The following EIF2B2 variants were observed in gnomAD, a reference collection of about 807,000 sequenced individuals.
EIF2B2 encodes translation initiation factor eIF2B subunit beta.
A neutral mutation model predicts 34.7 loss-of-function variants in EIF2B2; 34 were observed. That is an observed-to-expected ratio of 0.98 (90% CI 0.75 to 1.31). The LOEUF is 1.31. EIF2B2 is among the 50% of genes most tolerant of loss of function. The pLI is 0.00. For synonymous variants in EIF2B2, 155 were observed against 171.6 expected, an observed-to-expected ratio of 0.90 and a Z score of 0.76; for missense variants, 361 against 447.7, an observed-to-expected ratio of 0.81 and a Z score of 1.75.
rs1889633844 is a variant in EIF2B2, at chr14:75,006,881, C to G, written c.831+167C>G. 1 of 1,009,854 alleles carries G rather than the reference C, an allele frequency of 9.9e-7. No homozygotes were observed. The allele number at this position is 1,009,854 out of a possible 1,614,324, so 62.6% of individuals were successfully genotyped here. A position where few individuals can be genotyped will look rare whatever the true frequency, so the allele number is the denominator to read the frequency against. Reference sequence around the variant, plus strand: ...GGAAAGAACCACAGAAGTCTTGATTCAGTAAAACAGTTGAGAGTTCTCAGC... The same window carrying G: ...GGAAAGAACCACAGAAGTCTTGATTGAGTAAAACAGTTGAGAGTTCTCAGC... On this transcript the variant is annotated intron_variant, in intron 6 of 7. Transcript: ENST00000266126. This position sits in a 1 kb window ranked among gnomAD's most constrained non-coding sequence, Gnocchi z 4.1.
intron 1 of EIF2B2, 35 bp from the exon 2 acceptor site, chr14:75,003,240 T>C: frequency 6.2e-7 from 1 of 1,613,460 alleles, no homozygotes; most frequent in Non-Finnish European, 8.5e-7. Flanking sequence ...TCACTTCGCG[T>C]TGGCTCCTCT....
rs891724352 is a variant in EIF2B2 at position 75,011,289 on chromosome 14, G to A, written c.*2101G>A. 3 of 152,172 alleles carry A rather than the reference G, an allele frequency of 2.0e-5. No homozygotes were observed. Among genetic ancestry groups the A allele is most frequent in the Non-Finnish European group, 4.4e-5 (3 of 68,042 alleles). The allele number at this position is 152,172 out of a possible 1,614,324, so 9.4% of individuals were successfully genotyped here. A position where few individuals can be genotyped will look rare whatever the true frequency, so the allele number is the denominator to read the frequency against. On this transcript the variant is annotated 3_prime_UTR_variant, in exon 8 of 8. Coordinates refer to ENST00000266126, the MANE Select transcript of EIF2B2 (RefSeq NM_014239.4). Reference sequence around the variant, plus strand: ...AAGCAGAGGGACATCCTCTAATTTTGTTGACATGTTTATGCTTACATATTG... The same window carrying A: ...AAGCAGAGGGACATCCTCTAATTTTATTGACATGTTTATGCTTACATATTG...
rs1889574450 is a variant in EIF2B2, at chr14:75,003,551, A to C, written c.285A>C (p.Arg95Ser). 1 of 1,613,786 alleles carries C rather than the reference A, an allele frequency of 6.2e-7. No homozygotes were observed. The highest frequency in any genetic ancestry group is 1.7e-5 in the Admixed American group (1 of 59,980). ...VLKIIREEYG[R>S]LHGRSDESDQ... ...TCTTTGGGTCTTGTTGCCTCTATAG[A>C]CTCCATGGACGCAGCGACGAGAGTG... Residue 95 changes from arginine (R) to serine (S), a missense_variant and splice_region_variant, in exon 3 of 8, where the codon AGA becomes AGC. By Grantham distance (110) the Arg-to-Ser change is moderately radical. Transcript: ENST00000266126.
At chr14:75,007,963 G>A (rs1332588402) in intron 7 of EIF2B2, among the ~76,000 whole-genome samples, 175 bp downstream of exon 7, 1 of 152,196 alleles carries the variant, frequency 6.6e-6, no homozygotes, top group African/African-American at 2.4e-5. Flanking sequence ...AAGTGCTTGA[G>A]GACCTGACCA....
chr14:75,010,196 A>G lies in EIF2B2; in HGVS notation c.*1008A>G, dbSNP rs1302145106. ...TCTCAGTCCTACTGCATCTGATCTC[A>G]GGGTTACTACCTGGGAATCTGTTTA... is the stretch of plus-strand genomic sequence containing the variant. On this transcript the variant is annotated 3_prime_UTR_variant, in exon 8 of 8. Transcript: ENST00000266126. The G allele has an allele frequency of 6.6e-6, 1 of 152,168 alleles. No homozygotes were observed. Among genetic ancestry groups the G allele is most frequent in the Non-Finnish European group, 1.5e-5 (1 of 68,032 alleles). The allele number at this position is 152,168 out of a possible 1,614,324, so 9.4% of individuals were successfully genotyped here. A position where few individuals can be genotyped will look rare whatever the true frequency, so the allele number is the denominator to read the frequency against.
intron 6 of EIF2B2, chr14:75,007,038 A>G (rs907780533): frequency 2.0e-6 from 1 of 507,284 alleles, no homozygotes; most frequent in East Asian, 5.5e-5. Context: ...AGGATCATAG[A>G]ATCAGTTTTG....
chr14:75,003,003 G>T lies in EIF2B2; in HGVS notation c.13G>T (p.Ala5Ser), dbSNP rs1225416670. MPGSAAKGSELSERI... is the reference protein window; with the variant it reads MPGSSAKGSELSERI... ...AGCTACCTTAAAGATGCCGGGATCC[G>T]CAGCGAAGGGCTCGGAGTTGTCAGA... Residue 5 changes from alanine to serine, a missense_variant, in exon 1 of 8, where the codon GCA (alanine) becomes TCA (serine). Coordinates refer to ENST00000266126, the MANE Select transcript of EIF2B2 (RefSeq NM_014239.4). 6.2e-7 allele frequency: 1 copy of T among 1,614,144 alleles called. No individual in the cohort carries two copies. The highest frequency in any genetic ancestry group is 2.2e-5 in the East Asian group (1 of 44,876).
At chr14:75,003,191 T>C in intron 1 of EIF2B2, 38 bp downstream of exon 1, 3 of 1,613,340 alleles carry the variant, frequency 1.9e-6, no homozygotes, top group East Asian at 2.2e-5. Context: ...ACCTGGCCCC[T>C]GTCTGTTCCC....
rs1889563208 is a variant in EIF2B2, at chr14:75,003,097, G to A, written c.107G>A (p.Arg36Gln). Residue 36 changes from arginine to glutamine, a missense_variant, in exon 1 of 8, where the codon CGG (arginine) becomes CAG (glutamine). Physicochemically the swap from Arg to Gln is conservative, Grantham distance 43. Transcript: ENST00000266126. ...GGPRSSEEMARETLGLLRQII... is the reference protein window; with the variant it reads ...GGPRSSEEMAQETLGLLRQII... The stretch of plus-strand genomic sequence containing the variant: ...CCGCGCAGCTCCGAGGAAATGGCTC[G>A]GGAGACCCTAGGGTTGCTGCGCCAG... 6.2e-7 allele frequency: 1 copy of A among 1,613,860 alleles called. No homozygotes were observed. The highest frequency in any genetic ancestry group is 1.3e-5 in the African/African-American group (1 of 75,024).
chr14:75,007,555 T>C, intron 6 of EIF2B2, 167 bp from the exon 7 acceptor site: 1 of 585,514 alleles, frequency 1.7e-6, no homozygotes, highest in Non-Finnish European at 3.0e-6. Flanking sequence ...TCCATTCATC[T>C]GTTTATGGGC....
Position 75,009,205 on chromosome 14 carries a change from T to C in EIF2B2, c.*17T>C. ...GTTTTATGACCGACCACACGTGTCC[T>C]AAGCAGATTGCTTAGGCAGATACAG... On this transcript the variant is annotated 3_prime_UTR_variant, in exon 8 of 8. Transcript: ENST00000266126. 6.2e-7 allele frequency: 1 copy of C among 1,613,948 alleles called. No homozygotes were observed. The highest frequency in any genetic ancestry group is 1.3e-5 in the African/African-American group (1 of 75,036).
Position 75,009,549 on chromosome 14 carries a change from A to G in EIF2B2, c.*361A>G. On this transcript the variant is annotated 3_prime_UTR_variant, in exon 8 of 8. Transcript: ENST00000266126. ...ATTTTTGCTCAGAAATGGCTATGAC[A>G]CTTTTTCTAGGCTCTACCAATAAAA... 1 of 311,418 alleles carries G rather than the reference A, an allele frequency of 3.2e-6. No individual in the cohort carries two copies. Among genetic ancestry groups the G allele is most frequent in the South Asian group, 3.1e-5 (1 of 32,532 alleles). 19.3% of individuals were successfully genotyped at this position (311,418 alleles called of 1,614,324 possible).
At chr14:75,005,733 A>G in intron 4 of EIF2B2, 133 bp from the exon 5 acceptor site, 1 of 755,184 alleles carries the variant, frequency 1.3e-6, no homozygotes, top group African/African-American at 1.7e-5. Context: ...TGTCCGAAAA[A>G]TGAGTTATCT....
chr14:75,009,423 T>G lies in EIF2B2; in HGVS notation c.*235T>G. 1.9e-6 allele frequency: 1 copy of G among 535,570 alleles called. No individual in the cohort carries two copies. Among genetic ancestry groups the G allele is most frequent in the East Asian group, 3.4e-5 (1 of 29,346 alleles). 33.2% of individuals were successfully genotyped at this position (535,570 alleles called of 1,614,324 possible). On this transcript the variant is annotated 3_prime_UTR_variant, in exon 8 of 8. Transcript: ENST00000266126. ...AGCAGCAGGGCTTAACTTGTTGATT[T>G]TGGAGCCTCTTAGTGACCTGGTTGC... is the stretch of plus-strand genomic sequence containing the variant.
At chr14:75,005,279 A>G (rs1333597099) in intron 4 of EIF2B2, among the ~76,000 whole-genome samples, 1 of 151,964 alleles carries the variant, frequency 6.6e-6, no homozygotes, top group Non-Finnish European at 1.5e-5. Flanking sequence ...CTGGAGGGTG[A>G]GGCAGGAGAA....
chr14:75,002,957 C>T lies in EIF2B2; in HGVS notation c.-34C>T, dbSNP rs752293505. 7 of 1,613,298 alleles carry T rather than the reference C, an allele frequency of 4.3e-6. No homozygotes were observed. The highest frequency in any genetic ancestry group is 3.3e-5 in the South Asian group (3 of 91,010). On this transcript the variant is annotated 5_prime_UTR_variant, in exon 1 of 8. Coordinates refer to ENST00000266126, the MANE Select transcript of EIF2B2 (RefSeq NM_014239.4). Reference sequence around the variant, plus strand: ...CTGTGTGGTCTGGCAGGTGTGGATTCCGCCGGTGAAGGCTGAAGGCAGCTA... The same window carrying T: ...CTGTGTGGTCTGGCAGGTGTGGATTTCGCCGGTGAAGGCTGAAGGCAGCTA...
Position 75,006,447 on chromosome 14 carries a change from CT to C in EIF2B2, c.694-128del. 7.5e-7 allele frequency: 1 copy of C among 1,329,542 alleles called. No homozygotes were observed. Among genetic ancestry groups the C allele is most frequent in the Non-Finnish European group, 1.0e-6 (1 of 953,424 alleles). 82.4% of individuals were successfully genotyped at this position (1,329,542 alleles called of 1,614,324 possible). Reference sequence around the variant, plus strand: ...AGAACTTGTATTGAGCCAGGGATCCCTTCACCTCTACCAGTCTGTGACCCCT... The same window carrying C: ...AGAACTTGTATTGAGCCAGGGATCCCTCACCTCTACCAGTCTGTGACCCCT... On this transcript the variant is annotated intron_variant, in intron 5 of 7. Transcript: ENST00000266126. This position sits in a 1 kb window ranked among gnomAD's most constrained non-coding sequence, Gnocchi z 4.1.
At position 75,002,984 on chromosome 14, in the gene EIF2B2, C is replaced by T; in HGVS notation, c.-7C>T. The T allele has an allele frequency of 6.2e-7, 1 of 1,614,034 alleles. No individual in the cohort carries two copies. The highest frequency in any genetic ancestry group is 8.5e-7 in the Non-Finnish European group (1 of 1,180,024). On this transcript the variant is annotated 5_prime_UTR_variant, in exon 1 of 8. Transcript: ENST00000266126. ...GCCGGTGAAGGCTGAAGGCAGCTAC[C>T]TTAAAGATGCCGGGATCCGCAGCGA... is the stretch of plus-strand genomic sequence containing the variant.
chr14:75,003,987 T>C (rs986472613), intron 3 of EIF2B2, among the ~76,000 whole-genome samples: 1 of 152,200 alleles, frequency 6.6e-6, no homozygotes, highest in African/African-American at 2.4e-5. Flanking sequence ...ATGAACTCCC[T>C]AGAGAGCCAA....
Sources: allele counts gnomAD v4.1 joint callset (sites outside exome capture counted in the v4.1 genomes callset), GRCh38; gene constraint gnomAD v4.1.1; non-coding constraint Gnocchi (gnomAD v3.1); transcripts MANE v1.5; gene names NCBI Gene and HGNC (gene_info 2026-07-23, HGNC 2026-07-21).